The following NBAS variants were observed in gnomAD, a reference collection of about 807,000 sequenced individuals.
NBAS encodes the protein NBAS subunit of NRZ tethering complex, also known as NAG/BC035112 fusion.
NBAS carries 219 observed loss-of-function variants against 302.5 expected under a neutral mutation model. The ratio of observed to expected loss-of-function variants is 0.72; its 90% confidence interval spans 0.65 to 0.81. The LOEUF is 0.81. NBAS is among the 30% of genes least tolerant of loss of function. The probability of loss-of-function intolerance (pLI) is 0.00; values close to 1 mark genes in which losing one functional copy is unlikely to be tolerated. For missense variants in NBAS, 2,932 were observed against 2,841.6 expected (o/e 1.03, Z -0.72); for synonymous variants, 1,118 against 1,021.6 (o/e 1.09, Z -1.80).
intron 38 of NBAS, among the ~76,000 whole-genome samples, chr2:15,321,037 CA>C (rs1671781500): frequency 6.6e-6 from 1 of 152,052 alleles, no homozygotes; most frequent in Non-Finnish European, 1.5e-5. Context: ...GTACTGGTAC[CA>C]AAACAGAGAT....
chr2:15,410,517 C>T (rs923529713), intron 25 of NBAS, among the ~76,000 whole-genome samples: 5 of 151,944 alleles, frequency 3.3e-5, no homozygotes, highest in African/African-American at 1.2e-4. Flanking sequence ...TTTCTTCTTA[C>T]CAGATCTAAG....
chr2:15,098,993 A>C, the NBAS span, among the ~76,000 whole-genome samples: 1 of 151,828 alleles, frequency 6.6e-6, no homozygotes, highest in African/African-American at 2.4e-5. Context: ...ACACACATAT[A>C]TACACACACA....
chr2:14,834,929 G>A, the NBAS span, among the ~76,000 whole-genome samples: 1 of 152,036 alleles, frequency 6.6e-6, no homozygotes, highest in Non-Finnish European at 1.5e-5. Context: ...ATAGTAGAGA[G>A]GAGAGAAGAG....
intron 23 of NBAS, among the ~76,000 whole-genome samples, chr2:15,423,660 C>A (rs935087164): frequency 2.0e-5 from 3 of 152,020 alleles, no homozygotes; most frequent in Non-Finnish European, 4.4e-5. Flanking sequence ...GAAGACTGAA[C>A]GTGGAAGAAA....
the NBAS span, among the ~76,000 whole-genome samples, chr2:15,107,160 A>G: frequency 1.3e-5 from 2 of 152,082 alleles, no homozygotes; most frequent in African/African-American, 4.8e-5. Flanking sequence ...TTAAGTTTAA[A>G]TGAACTTATA....
chr2:15,216,325 A>G (rs528662516), intron 48 of NBAS, among the ~76,000 whole-genome samples: 5 of 152,234 alleles, frequency 3.3e-5, no homozygotes, highest in Non-Finnish European at 5.9e-5. Flanking sequence ...TGAGGGGGAT[A>G]TGAGATGACT....
chr2:15,479,581 C>A (rs1680338693), intron 12 of NBAS, among the ~76,000 whole-genome samples: 1 of 152,122 alleles, frequency 6.6e-6, no homozygotes, highest in Non-Finnish European at 1.5e-5. Flanking sequence ...CATTTAAGGA[C>A]ATACAGATCA....
chr2:15,545,881 C>T (rs1258330621), intron 6 of NBAS, among the ~76,000 whole-genome samples: 1 of 152,210 alleles, frequency 6.6e-6, no homozygotes, highest in African/African-American at 2.4e-5. Flanking sequence ...ATGCAATAAT[C>T]TGCTATGTTT....
chr2:15,374,788 G>A, intron 30 of NBAS, 68 bp from the exon 31 acceptor site: 1 of 1,260,182 alleles, frequency 7.9e-7, no homozygotes, highest in Non-Finnish European at 1.2e-6. Flanking sequence ...TCAACACCAT[G>A]AGATCTAACA....
Position 15,238,690 on chromosome 2 carries a change from A to T in NBAS, c.5725-4T>A, listed in dbSNP as rs765549195. The T allele has an allele frequency of 5.5e-6, 8 of 1,459,930 alleles. No individual in the cohort carries two copies. Among genetic ancestry groups the T allele is most frequent in the Middle Eastern group, 2.1e-4 (1 of 4,774 alleles). 90.4% of individuals were successfully genotyped at this position (1,459,930 alleles called of 1,614,324 possible). The stretch of plus-strand genomic sequence containing the variant: ...CTTTACGGGCTTCCACAGACAGCTT[A>T]AAAAAAAGAATAGTGAGACCAAAGA... On this transcript the variant is annotated splice_polypyrimidine_tract_variant and splice_region_variant and intron_variant, in intron 44 of 51. Transcript: ENST00000281513.
the NBAS span, among the ~76,000 whole-genome samples, chr2:15,139,127 A>G: frequency 3.9e-5 from 6 of 152,204 alleles, no homozygotes; most frequent in East Asian, 3.8e-4. Context: ...TGCCTCTCAC[A>G]GGGAGGCTCC....
chr2:15,434,724 T>C (rs1055585433), intron 21 of NBAS, among the ~76,000 whole-genome samples: 3 of 152,166 alleles, frequency 2.0e-5, no homozygotes, highest in African/African-American at 7.2e-5. Flanking sequence ...TCAACTAACC[T>C]ATAGGTTCGA....
intron 26 of NBAS, among the ~76,000 whole-genome samples, chr2:15,399,819 T>C (rs1676059926): frequency 6.6e-6 from 1 of 152,106 alleles, no homozygotes; most frequent in African/African-American, 2.4e-5. Context: ...AAAATCCATA[T>C]TTAAATAGGG....
the NBAS span, among the ~76,000 whole-genome samples, chr2:15,074,382 G>A: frequency 7.2e-6 from 1 of 138,064 alleles, no homozygotes; most frequent in Non-Finnish European, 1.6e-5. Flanking sequence ...TGGAAAGAAG[G>A]AAGGATGGAA....
intron 25 of NBAS, among the ~76,000 whole-genome samples, chr2:15,404,949 C>T (rs374517290): frequency 4.8e-4 from 73 of 152,294 alleles, no homozygotes; most frequent in South Asian, 6.2e-4. Context: ...ACTTAAACAC[C>T]TCTATGGCCT....
the NBAS span, among the ~76,000 whole-genome samples, chr2:15,150,701 A>C: frequency 6.6e-6 from 1 of 152,174 alleles, no homozygotes; most frequent in Non-Finnish European, 1.5e-5. Flanking sequence ...GATAATTAAG[A>C]TTTCATAATC....
chr2:14,873,041 T>G, the NBAS span, among the ~76,000 whole-genome samples: 1 of 152,228 alleles, frequency 6.6e-6, no homozygotes, highest in Non-Finnish European at 1.5e-5. Context: ...GGAAGGGGAC[T>G]CTCGGCAGGT....
At chr2:15,169,007 A>G (rs1664164481) in intron 51 of NBAS, among the ~76,000 whole-genome samples, 1 of 152,204 alleles carries the variant, frequency 6.6e-6, no homozygotes, top group South Asian at 2.1e-4. Flanking sequence ...TCACTTTTAC[A>G]TTTCAGCTCC....
At chr2:15,027,759 G>A in the NBAS span, among the ~76,000 whole-genome samples, 1 of 152,018 alleles carries the variant, frequency 6.6e-6, no homozygotes, top group Non-Finnish European at 1.5e-5. Context: ...CTGATTTTTA[G>A]TTGTTCATAT....
Sources: gnomAD v4.1 joint callset for allele counts (sites outside exome capture counted in the v4.1 genomes callset) on GRCh38, gnomAD v4.1.1 for gene constraint, MANE v1.5 for transcripts, NCBI Gene and HGNC (gene_info 2026-07-23, HGNC 2026-07-21) for gene names.